DCTPP1: variants seen among roughly 807,000 people sequenced by gnomAD.
DCTPP1 encodes the protein dCTP pyrophosphatase 1.
A neutral mutation model predicts 8.8 loss-of-function variants in DCTPP1; 8 were observed. The ratio of observed to expected loss-of-function variants is 0.91; its 90% CI spans 0.54 to 1.64. The LOEUF (loss-of-function observed/expected upper bound fraction) is 1.64. Among genes scored for constraint, DCTPP1 ranks in the 40% most tolerant of loss-of-function variants. The pLI is 0.00. For synonymous variants in DCTPP1, 85 were observed against 92.1 expected (o/e 0.92, Z 0.44); for missense variants, 231 against 230.4 (o/e 1.00, Z -0.02).
At chr16:30,429,643 A>G (rs2050213491) in intron 1 of DCTPP1, 1 of 518,440 alleles carries the variant, frequency 1.9e-6, no homozygotes, top group Non-Finnish European at 3.4e-6. Flanking sequence ...TCCCAGGGCT[A>G]GGCTGAAGGG....
intron 2 of DCTPP1, chr16:30,428,850 G>C: frequency 2.0e-6 from 1 of 503,686 alleles, no homozygotes; most frequent in South Asian, 3.3e-5. Flanking sequence ...CTGTCCTGAT[G>C]CTTTCACACC....
At chr16:30,428,587 T>C (rs972175390) in intron 2 of DCTPP1, among the ~76,000 whole-genome samples, 1 of 151,770 alleles carries the variant, frequency 6.6e-6, no homozygotes, top group Non-Finnish European at 1.5e-5. Context: ...CTGACCAATA[T>C]GGTGAAACCC....
At chr16:30,425,032 C>T (rs1279657561) in intron 2 of DCTPP1, among the ~76,000 whole-genome samples, 4 of 152,258 alleles carry the variant, frequency 2.6e-5, no homozygotes, top group African/African-American at 7.2e-5. Context: ...AGGCATGTGC[C>T]GCCATGCCCG....
At chr16:30,426,529 T>C (rs1280549657) in intron 2 of DCTPP1, among the ~76,000 whole-genome samples, 1 of 143,294 alleles carries the variant, frequency 7.0e-6, no homozygotes, top group Non-Finnish European at 1.5e-5. Flanking sequence ...TGGAGTGCAA[T>C]GGCGTGATCT....
chr16:30,425,469 CAG>C (rs1441268734), intron 2 of DCTPP1, among the ~76,000 whole-genome samples: 1 of 151,982 alleles, frequency 6.6e-6, no homozygotes, highest in Non-Finnish European at 1.5e-5. Context: ...GCCTGGGAAA[CAG>C]AGCAAGACTC....
At position 30,429,049 on chromosome 16, in the gene DCTPP1, C is replaced by A. The variant is rs1366632999; in HGVS notation, c.212+8G>T. On this transcript the variant is annotated splice_region_variant and intron_variant, in intron 2 of 2. Coordinates refer to ENST00000319285, the MANE Select transcript of DCTPP1 (RefSeq NM_024096.2). Reference sequence around the variant, plus strand: ...CAGACTCTACCAGGAAGCTTTCCATCTACTCACAAGAGTTCTGCCAGCTCC... The same window carrying A: ...CAGACTCTACCAGGAAGCTTTCCATATACTCACAAGAGTTCTGCCAGCTCC... The A allele has an allele frequency of 6.2e-7, 1 of 1,611,692 alleles. No homozygotes were observed. The highest frequency in any genetic ancestry group is 1.7e-5 in the Admixed American group (1 of 59,728).
At chr16:30,427,812 A>G (rs2050202701) in intron 2 of DCTPP1, among the ~76,000 whole-genome samples, 1 of 152,166 alleles carries the variant, frequency 6.6e-6, no homozygotes, top group African/African-American at 2.4e-5. Flanking sequence ...GGGCAACAAC[A>G]GCGAGAGATC....
intron 2 of DCTPP1, among the ~76,000 whole-genome samples, chr16:30,428,696 GGCGGATGTT>G (rs1431077180): frequency 6.6e-6 from 1 of 152,188 alleles, no homozygotes; most frequent in East Asian, 1.9e-4. Flanking sequence ...AAACCCAGGA[GGCGGATGTT>G]GCAGTGAGCC....
intron 1 of DCTPP1, chr16:30,429,671 C>A (rs555779175): frequency 2.8e-4 from 151 of 531,578 alleles, no homozygotes; most frequent in Non-Finnish European, 4.2e-4. Context: ...AGTTACCACT[C>A]GGAGGCACCA....
At chr16:30,428,955 C>A in intron 2 of DCTPP1, 102 bp downstream of exon 2, 2 of 1,250,476 alleles carry the variant, frequency 1.6e-6, no homozygotes, top group Admixed American at 4.4e-5. Context: ...GCCTAGCAAT[C>A]AGGAGGGGAA....
In DCTPP1 at chr16:30,424,493, A is replaced by T. The variant is rs2151128286; in HGVS notation, c.253T>A (p.Ser85Thr). 1.2e-6 allele frequency: 2 copies of T among 1,614,094 alleles called. No individual in the cohort carries two copies. Among genetic ancestry groups the T allele is most frequent in the East Asian group, 4.5e-5 (2 of 44,882 alleles). Reference sequence around the variant, plus strand: ...TGAAGGGCTGCCCGTTCCCTGGGGGACCAGCCTTGGGGGCCAGGTTCCCCA... The same window carrying T: ...TGAAGGGCTGCCCGTTCCCTGGGGGTCCAGCCTTGGGGGCCAGGTTCCCCA... ...TDGEPGPQGW[S>T]PRERAALQEE... Residue 85 changes from serine to threonine, a missense_variant, in exon 3 of 3, where the codon TCC (serine) becomes ACC (threonine). Ser to Thr is a moderately conservative substitution (Grantham distance 58). Coordinates refer to ENST00000319285, the MANE Select transcript of DCTPP1 (RefSeq NM_024096.2).
intron 2 of DCTPP1, among the ~76,000 whole-genome samples, chr16:30,426,311 G>T (rs1049966606): frequency 6.6e-6 from 1 of 152,014 alleles, no homozygotes; most frequent in Non-Finnish European, 1.5e-5. Flanking sequence ...GAGTAGCTGC[G>T]ACTACAGGCG....
chr16:30,429,192 G>C, intron 1 of DCTPP1, 25 bp from the exon 2 acceptor site: 1 of 1,612,846 alleles, frequency 6.2e-7, no homozygotes. Flanking sequence ...AGGAGTGTAA[G>C]TCCAAGTCTC....
intron 2 of DCTPP1, among the ~76,000 whole-genome samples, chr16:30,426,198 CAG>C (rs1240722979): frequency 1.3e-5 from 2 of 152,182 alleles, no homozygotes; most frequent in African/African-American, 2.4e-5. Context: ...TTGTTTTTGA[CAG>C]AGTCTTGCTC....
At position 30,423,947 on chromosome 16, in the gene DCTPP1, C is replaced by T. The variant is rs1433611595; in HGVS notation, c.*286G>A. On this transcript the variant is annotated 3_prime_UTR_variant, in exon 3 of 3. Transcript: ENST00000319285. ...AGGCAAAAGGTACAACAGGGAAACA[C>T]GAGAATGGGTCTCAGAGGCACCCCT... 3.7e-5 allele frequency: 15 copies of T among 401,176 alleles called. No homozygotes were observed. The highest frequency in any genetic ancestry group is 1.0e-4 in the South Asian group (3 of 28,980). The allele number at this position is 401,176 out of a possible 1,614,324, so 24.9% of individuals were successfully genotyped here.
chr16:30,426,981 G>A (rs2050198037), intron 2 of DCTPP1, among the ~76,000 whole-genome samples: 1 of 150,314 alleles, frequency 6.7e-6, no homozygotes, highest in African/African-American at 2.4e-5. Context: ...GATTACAGGT[G>A]TGAGCCACCG....
In DCTPP1 at chr16:30,424,461, C is replaced by G. The variant is rs1234004932; in HGVS notation, c.285G>C (p.Glu95Asp). 6.2e-7 allele frequency: 1 copy of G among 1,614,232 alleles called. No homozygotes were observed. Among genetic ancestry groups the G allele is most frequent in the South Asian group, 1.1e-5 (1 of 91,090 alleles). ...CCAGGTAGATGAGGACGTCACTAAGCTCCTCTTGAAGGGCTGCCCGTTCCC... is the reference window on the plus strand; with the variant it reads ...CCAGGTAGATGAGGACGTCACTAAGGTCCTCTTGAAGGGCTGCCCGTTCCC... ...SPRERAALQE[E>D]LSDVLIYLVA... is the part of the protein sequence containing the mutation. The change falls in exon 3 of 3, where the codon GAG (glutamate) becomes GAC (aspartate). Residue 95 changes from glutamate to aspartate, a missense_variant. Coordinates refer to ENST00000319285, the MANE Select transcript of DCTPP1 (RefSeq NM_024096.2).
rs762778828 is a variant in DCTPP1 at position 30,429,017 on chromosome 16, C to G, written c.212+40G>C. 11 of 1,572,252 alleles carry G rather than the reference C, an allele frequency of 7.0e-6. No homozygotes were observed. In the East Asian group the frequency reaches 1.2e-4, roughly 17 times the overall value. ...AAATAAATGCTCCCCTCCCCTCCCC[C>G]ACAACTCAGACTCTACCAGGAAGCT... On this transcript the variant is annotated intron_variant, in intron 2 of 2. Transcript: ENST00000319285.
In DCTPP1 at chr16:30,424,326, C is replaced by T; in HGVS notation, c.420G>A (p.Lys140=). The change falls in exon 3 of 3, where the codon AAG becomes AAA. Residue 140 remains lysine (K), a synonymous_variant. Coordinates refer to ENST00000319285, the MANE Select transcript of DCTPP1 (RefSeq NM_024096.2). ...PAHLARSSSR[K]YTELPHGAIS... ...TGGCCCCATGGGGCAATTCTGTATA[C>T]TTGCGGGAAGAGCTGCGGGCCAGAT... 6.2e-7 allele frequency: 1 copy of T among 1,614,264 alleles called. No individual in the cohort carries two copies. Among genetic ancestry groups the T allele is most frequent in the Non-Finnish European group, 8.5e-7 (1 of 1,180,056 alleles).
Sources: gnomAD v4.1 joint callset for allele counts (sites outside exome capture counted in the v4.1 genomes callset) on GRCh38, gnomAD v4.1.1 for gene constraint, MANE v1.5 for transcripts, NCBI Gene and HGNC (gene_info 2026-07-23, HGNC 2026-07-21) for gene names.